The following SGCD variants were observed in gnomAD, a reference collection of about 807,000 sequenced individuals.
SGCD encodes the protein sarcoglycan delta.
A neutral mutation model predicts 36.6 loss-of-function variants in SGCD; 18 were observed. The ratio of observed to expected loss-of-function variants is 0.49; its 90% CI spans 0.34 to 0.73. SGCD has a LOEUF of 0.73. Ranked by LOEUF, SGCD falls within the 30% of genes least tolerant of loss-of-function variation. The probability of loss-of-function intolerance (pLI) is 0.01; values close to 1 mark genes in which losing one functional copy is unlikely to be tolerated. For synonymous variants in SGCD, 133 were observed against 130.6 expected (o/e 1.02, Z -0.12); for missense variants, 387 against 346.7 (o/e 1.12, Z -0.92).
chr5:156,352,252 A>C (rs144412128), intron 3 of SGCD, among the ~76,000 whole-genome samples: 4 of 152,348 alleles, frequency 2.6e-5, no homozygotes, highest in Non-Finnish European at 5.9e-5. Context: ...ATCTTATCCC[A>C]GTACTTGTAA....
At chr5:156,026,583 G>C (rs915458285) in intron 1 of SGCD, among the ~76,000 whole-genome samples, 5 of 152,292 alleles carry the variant, frequency 3.3e-5, no homozygotes, top group African/African-American at 1.2e-4. Context: ...AACTATTCAA[G>C]AATTTTGTCC....
intron 3 of SGCD, among the ~76,000 whole-genome samples, chr5:156,362,259 A>T (rs1769836125): frequency 6.6e-6 from 1 of 152,212 alleles, no homozygotes; most frequent in Admixed American, 6.5e-5. Flanking sequence ...TGATGCTTAC[A>T]TCAGGTGGTT....
chr5:156,558,539 A>G (rs1759136753), intron 4 of SGCD, among the ~76,000 whole-genome samples: 2 of 152,148 alleles, frequency 1.3e-5, no homozygotes, highest in Admixed American at 1.3e-4. Context: ...TCTGTGTCAG[A>G]CACTGACTAT....
intron 1 of SGCD, among the ~76,000 whole-genome samples, chr5:155,935,060 T>G: frequency 6.6e-6 from 1 of 152,178 alleles, no homozygotes; most frequent in East Asian, 1.9e-4. Context: ...TTGTGACTAG[T>G]TTTGGGGCAG....
intron 1 of SGCD, among the ~76,000 whole-genome samples, chr5:155,992,379 G>A (rs890508469): frequency 2.0e-5 from 3 of 152,098 alleles, no homozygotes; most frequent in East Asian, 1.9e-4. Flanking sequence ...TTTGGAAACC[G>A]TAGCTTGTCT....
rs55866075 is a variant in SGCD at position 156,177,842 on chromosome 5, G to A, written c.-44+53823G>A. On this transcript the variant is annotated intron_variant, in intron 3 of 9. Coordinates refer to the SGCD transcript ENST00000517913. ...ATACCCAATATTTGTTTAATGGGCG[G>A]CATTGACCAATTTGACAAGATACAG... Among the ~76,000 whole-genome samples, 7 of 151,978 alleles carry A rather than the reference G, an allele frequency of 4.6e-5. No individual in the cohort carries two copies. The South Asian group carries it at 1.5e-3, about 32-fold the overall frequency.
intron 3 of SGCD, among the ~76,000 whole-genome samples, chr5:156,450,212 T>C (rs1753945855): frequency 6.6e-6 from 1 of 152,090 alleles, no homozygotes; most frequent in African/African-American, 2.4e-5. Flanking sequence ...GGAGATTGGA[T>C]TTGCCACCTT....
intron 3 of SGCD, among the ~76,000 whole-genome samples, chr5:156,305,676 C>T (rs911050431): frequency 1.7e-4 from 26 of 152,178 alleles, no homozygotes; most frequent in African/African-American, 6.0e-4. Flanking sequence ...GATCCACCAA[C>T]AGCTTGCACC....
chr5:156,146,919 T>C (rs1762720713), intron 3 of SGCD, among the ~76,000 whole-genome samples: 1 of 152,212 alleles, frequency 6.6e-6, no homozygotes. Flanking sequence ...ATATATGACT[T>C]CTTGATAGAC....
chr5:155,961,356 A>G (rs971958193), intron 1 of SGCD, among the ~76,000 whole-genome samples: 9 of 152,138 alleles, frequency 5.9e-5, no homozygotes, highest in African/African-American at 2.2e-4. Context: ...TCCTTGGCTG[A>G]TGAGTATTTA....
intron 3 of SGCD, among the ~76,000 whole-genome samples, chr5:156,254,990 AGT>A (rs1221185473): frequency 2.0e-5 from 3 of 152,224 alleles, no homozygotes; most frequent in Non-Finnish European, 4.4e-5. Context: ...TAATACCACA[AGT>A]GGAAAATTCT....
upstream of SGCD, among the ~76,000 whole-genome samples, chr5:155,870,069 C>A (rs1755602745): frequency 6.6e-6 from 1 of 152,160 alleles, no homozygotes; most frequent in Non-Finnish European, 1.5e-5. Flanking sequence ...GATTAAGTAA[C>A]ATAGTGGCTA....
chr5:156,402,411 T>C (rs1772202436), intron 3 of SGCD, among the ~76,000 whole-genome samples: 1 of 152,194 alleles, frequency 6.6e-6, no homozygotes, highest in Non-Finnish European at 1.5e-5. Flanking sequence ...GAATGCACAC[T>C]CTGAAGGTTA....
rs1262790068 is a variant in SGCD, at chr5:155,886,509, TGC to T, written c.-282+16087_-282+16088del. On this transcript the variant is annotated intron_variant, in intron 1 of 9. Coordinates refer to the SGCD transcript ENST00000517913. The stretch of plus-strand genomic sequence containing the variant: ...GTGTGTGTGTGCGCGCACGCGCGCG[TGC>T]GTGTGTGTGTGCGTGGGCGCGTGTG... Among the ~76,000 whole-genome samples the T allele has an allele frequency of 2.0e-5, 3 of 150,330 alleles. No homozygotes were observed. The East Asian group carries it at 5.8e-4, about 29-fold the overall frequency.
intron 1 of SGCD, among the ~76,000 whole-genome samples, chr5:155,964,184 A>G (rs1757852036): frequency 6.6e-6 from 1 of 152,084 alleles, no homozygotes; most frequent in African/African-American, 2.4e-5. Context: ...CTTCTTTTAT[A>G]TCATGAAGGT....
the SGCD span, among the ~76,000 whole-genome samples, chr5:155,758,042 T>G: frequency 2.2e-4 from 34 of 152,226 alleles, no homozygotes; most frequent in East Asian, 5.6e-3. Context: ...CTGTGAGTTC[T>G]CCATTAAACC....
intron 3 of SGCD, among the ~76,000 whole-genome samples, chr5:156,384,871 A>C (rs1383720264): frequency 6.6e-6 from 1 of 152,148 alleles, no homozygotes; most frequent in African/African-American, 2.4e-5. Flanking sequence ...GGGGCTTGTT[A>C]GTTATTGAAA....
At chr5:156,558,088 A>AATGTATATATATATATATATATAT (rs1330398244) in intron 4 of SGCD, among the ~76,000 whole-genome samples, 2 of 95,592 alleles carry the variant, frequency 2.1e-5, no homozygotes, top group African/African-American at 7.9e-5. Context: ...AGTAAATACA[A>AATGTATATATATATATATATATAT]ATATATATAT....
chr5:156,032,402 T>C (rs188009136), intron 1 of SGCD, among the ~76,000 whole-genome samples: 2 of 152,024 alleles, frequency 1.3e-5, no homozygotes, highest in East Asian at 1.9e-4. Flanking sequence ...AACTTTTAGA[T>C]ACATTGTCAA....
Sources: gnomAD v4.1 joint callset for allele counts (sites outside exome capture counted in the v4.1 genomes callset) on GRCh38, gnomAD v4.1.1 for gene constraint, MANE v1.5 for transcripts, NCBI Gene and HGNC (gene_info 2026-07-23, HGNC 2026-07-21) for gene names.